Variants in DNAJC12 observed in about 807,000 individuals in gnomAD.
The protein encoded by DNAJC12 is DnaJ heat shock protein family (Hsp40) member C12, also known as dnaJ homolog subfamily C member 12.
In DNAJC12, 25 loss-of-function variants were observed where a neutral mutation model predicts 28.5. The ratio of observed to expected loss-of-function variants is 0.88; its 90% CI spans 0.64 to 1.22. DNAJC12 has a LOEUF of 1.22. DNAJC12 is among the 50% of genes most tolerant of loss of function. The pLI is 0.00. For missense variants in DNAJC12, 222 were observed against 231.7 expected (o/e 0.96, Z 0.27); for synonymous variants, 77 against 80.6 (o/e 0.95, Z 0.24).
intron 4 of DNAJC12, among the ~76,000 whole-genome samples, chr10:67,803,009 T>A (rs1430595897): frequency 9.2e-6 from 1 of 108,608 alleles, no homozygotes; most frequent in African/African-American, 2.8e-5. Flanking sequence ...CCTGGCTAAT[T>A]TTCATATTTT....
chr10:67,800,465 A>G (rs1050497105), intron 4 of DNAJC12, among the ~76,000 whole-genome samples: 1 of 152,090 alleles, frequency 6.6e-6, no homozygotes, highest in Non-Finnish European at 1.5e-5. Context: ...TCCACTCATT[A>G]TTGTCATCCA....
In DNAJC12 at chr10:67,797,156, G is replaced by A. The variant is rs760042336; in HGVS notation, c.557C>T (p.Pro186Leu). ...TCTGAACTTCCTCAGGAGTTCTGAG[G>A]GAGCATCCTTGGACCAGCGGAAACG... ...HLRFRWSKDA[P>L]SELLRKFRNY... The change falls in exon 5 of 5, where the codon CCC becomes CTC. Residue 186 changes from proline to leucine, a missense_variant. Coordinates refer to ENST00000225171, the MANE Select transcript of DNAJC12 (RefSeq NM_021800.3). 26 of 1,613,324 alleles carry A rather than the reference G, an allele frequency of 1.6e-5. No homozygotes were observed. Among genetic ancestry groups the A allele is most frequent in the Non-Finnish European group, 2.2e-5 (26 of 1,179,682 alleles).
At chr10:67,833,486 G>A (rs764654944) in intron 1 of DNAJC12, among the ~76,000 whole-genome samples, 30 of 151,496 alleles carry the variant, frequency 2.0e-4, no homozygotes, top group African/African-American at 4.9e-4. Flanking sequence ...CTGTACATGC[G>A]CAACCCTAAA....
At chr10:67,816,674 T>C (rs1250651712) in intron 2 of DNAJC12, among the ~76,000 whole-genome samples, 1 of 151,866 alleles carries the variant, frequency 6.6e-6, no homozygotes, top group African/African-American at 2.4e-5. Flanking sequence ...GCCTCCACAG[T>C]AGCTGGGATT....
chr10:67,807,308 A>G (rs1049240483), intron 3 of DNAJC12, among the ~76,000 whole-genome samples: 1 of 152,148 alleles, frequency 6.6e-6, no homozygotes, highest in Admixed American at 6.6e-5. Context: ...CGAAGTTTCG[A>G]TGCAAAAACA....
intron 1 of DNAJC12, among the ~76,000 whole-genome samples, chr10:67,828,186 C>T (rs886086783): frequency 2.0e-5 from 3 of 151,846 alleles, no homozygotes; most frequent in Non-Finnish European, 4.4e-5. Flanking sequence ...ACTGAGAGTG[C>T]GAAGAAATTA....
In DNAJC12 at chr10:67,813,077, T is replaced by C. The variant is rs545425011; in HGVS notation, c.158-1414A>G. Among the ~76,000 whole-genome samples, 36 of 151,922 alleles carry C rather than the reference T, an allele frequency of 2.4e-4. No homozygotes were observed. In the East Asian group the frequency reaches 5.5e-3, roughly 23 times the overall value. On this transcript the variant is annotated intron_variant, in intron 2 of 4. Coordinates refer to ENST00000225171, the MANE Select transcript of DNAJC12 (RefSeq NM_021800.3). ...ATTCTTAACTCCCAAAATGATAGTA[T>C]TAGGAGATGGGGCTTTTGAGATATG...
At chr10:67,800,599 T>C (rs1445191425) in intron 4 of DNAJC12, among the ~76,000 whole-genome samples, 1 of 152,020 alleles carries the variant, frequency 6.6e-6, no homozygotes, top group African/African-American at 2.4e-5. Context: ...TGGCAATGCC[T>C]AGGAAGGTAG....
chr10:67,831,986 C>A (rs1417616984), intron 1 of DNAJC12, among the ~76,000 whole-genome samples: 1 of 152,200 alleles, frequency 6.6e-6, no homozygotes, highest in Non-Finnish European at 1.5e-5. Context: ...GAAGATTTGG[C>A]TGGGCACAGT....
intron 1 of DNAJC12, among the ~76,000 whole-genome samples, chr10:67,824,815 C>A (rs376791398): frequency 7.9e-4 from 120 of 152,186 alleles, no homozygotes; most frequent in African/African-American, 2.8e-3. Context: ...CTCACTGCAA[C>A]CTCCACCTCC....
intron 1 of DNAJC12, among the ~76,000 whole-genome samples, chr10:67,829,458 G>C (rs1464851122): frequency 6.6e-6 from 1 of 152,100 alleles, no homozygotes; most frequent in Non-Finnish European, 1.5e-5. Flanking sequence ...GGCTAAAACA[G>C]TGAAACCCTG....
chr10:67,813,318 A>G (rs1012514998), intron 2 of DNAJC12, among the ~76,000 whole-genome samples: 6 of 150,720 alleles, frequency 4.0e-5, no homozygotes, highest in South Asian at 2.1e-4. Flanking sequence ...AGCCAAGATC[A>G]CACCACTGCA....
intron 1 of DNAJC12, among the ~76,000 whole-genome samples, chr10:67,832,060 G>C (rs1267165907): frequency 6.6e-6 from 1 of 151,668 alleles, no homozygotes; most frequent in Non-Finnish European, 1.5e-5. Context: ...GAGGTCAGGA[G>C]TCTGAGACCG....
At chr10:67,804,680 T>C (rs1268009010) in intron 4 of DNAJC12, among the ~76,000 whole-genome samples, 2 of 152,214 alleles carry the variant, frequency 1.3e-5, no homozygotes, top group Non-Finnish European at 2.9e-5. Flanking sequence ...ACTTCTATAA[T>C]ACTCTGCTTC....
intron 1 of DNAJC12, among the ~76,000 whole-genome samples, chr10:67,833,105 T>G (rs1842109449): frequency 6.6e-6 from 1 of 152,182 alleles, no homozygotes; most frequent in African/African-American, 2.4e-5. Context: ...CATTAAGGGT[T>G]AAGCGTAATA....
chr10:67,833,988 G>T, intron 1 of DNAJC12: 2 of 454,392 alleles, frequency 4.4e-6, no homozygotes, highest in South Asian at 3.2e-5. Flanking sequence ...TGCCAAAAAA[G>T]GGAAAATAAG....
chr10:67,797,694 T>C (rs1841688643), intron 4 of DNAJC12, among the ~76,000 whole-genome samples: 1 of 152,104 alleles, frequency 6.6e-6, no homozygotes, highest in Non-Finnish European at 1.5e-5. Context: ...AAGTATGAAT[T>C]AGCAAAACCC....
intron 1 of DNAJC12, among the ~76,000 whole-genome samples, chr10:67,835,243 C>T (rs1842130864): frequency 6.6e-6 from 1 of 152,012 alleles, no homozygotes; most frequent in Non-Finnish European, 1.5e-5. Context: ...AGCTAAAATG[C>T]TTTCGGGCAT....
chr10:67,799,878 C>A (rs370053585), intron 4 of DNAJC12, among the ~76,000 whole-genome samples: 668 of 128,162 alleles, frequency 5.2e-3, no homozygotes, highest in Non-Finnish European at 6.3e-3. Context: ...GCGAGACTGT[C>A]AAAAAAAAAA....
Sources: gnomAD v4.1 joint callset for allele counts (sites outside exome capture counted in the v4.1 genomes callset) on GRCh38, gnomAD v4.1.1 for gene constraint, MANE v1.5 for transcripts, NCBI Gene and HGNC (gene_info 2026-07-23, HGNC 2026-07-21) for gene names.